Variants in UNC5D observed in about 807,000 individuals in gnomAD.
The protein encoded by UNC5D is unc-5 netrin receptor D, also known as netrin receptor UNC5D.
In UNC5D, 39 loss-of-function variants were observed where a neutral mutation model predicts 105.4. That is an observed-to-expected ratio of 0.37 (90% CI 0.29 to 0.48). The LOEUF is 0.48. Among genes scored for constraint, UNC5D ranks in the 20% least tolerant of loss-of-function variants. The pLI, the probability that UNC5D is intolerant of heterozygous loss-of-function variation, is 0.98. For synonymous variants in UNC5D, 452 were observed against 450.4 expected, an observed-to-expected ratio of 1.00 and a Z score of -0.04; for missense variants, 991 against 1,202.4, an observed-to-expected ratio of 0.82 and a Z score of 2.60.
chr8:35,387,859 AAG>A lies in UNC5D; in HGVS notation c.103+151975_103+151976del, dbSNP rs1803505748. 2.0e-5 allele frequency among the ~76,000 whole-genome samples: 3 copies of A among 152,304 alleles called. No individual in the cohort carries two copies. In the South Asian group the frequency reaches 6.2e-4, roughly 32 times the overall value. Reference sequence around the variant, plus strand: ...TGATTAGCAATAAAAATCATTTGGGAAGAGTCTATTTATTTAGTATTATAGTG... The same window carrying A: ...TGATTAGCAATAAAAATCATTTGGGAAGTCTATTTATTTAGTATTATAGTG... On this transcript the variant is annotated intron_variant, in intron 1 of 16. Transcript: ENST00000404895.
chr8:35,495,487 AAAATCTCATAATGTGTT>A (rs1811517368), intron 1 of UNC5D, among the ~76,000 whole-genome samples: 1 of 151,532 alleles, frequency 6.6e-6, no homozygotes, highest in Non-Finnish European at 1.5e-5. Flanking sequence ...AAAAAGCAAA[AAAATCTCATAATGTGTT>A]AAGAAAGTTT....
At chr8:35,455,441 G>T (rs1585881941) in intron 1 of UNC5D, among the ~76,000 whole-genome samples, 1 of 151,920 alleles carries the variant, frequency 6.6e-6, no homozygotes, top group Non-Finnish European at 1.5e-5. Flanking sequence ...ACCACGCCTG[G>T]CTAACTTCTG....
intron 1 of UNC5D, among the ~76,000 whole-genome samples, chr8:35,423,226 G>A (rs1176700536): frequency 1.3e-5 from 2 of 152,172 alleles, no homozygotes; most frequent in Non-Finnish European, 2.9e-5. Flanking sequence ...TCCTCCTTGT[G>A]AGTGAGACTT....
At chr8:35,583,754 C>T (rs1390313916) in intron 3 of UNC5D, among the ~76,000 whole-genome samples, 1 of 152,110 alleles carries the variant, frequency 6.6e-6, no homozygotes, top group Non-Finnish European at 1.5e-5. Flanking sequence ...AATGGCTTTT[C>T]CTGTTGAAGA....
chr8:35,689,785 T>C (rs1826264243), intron 7 of UNC5D, among the ~76,000 whole-genome samples: 1 of 152,204 alleles, frequency 6.6e-6, no homozygotes, highest in Non-Finnish European at 1.5e-5. Flanking sequence ...GCTTTTTTTT[T>C]CAGTCTGTGA....
chr8:35,255,387 A>G (rs1804006924), intron 1 of UNC5D: 1 of 152,186 alleles, frequency 6.6e-6, no homozygotes, highest in Non-Finnish European at 1.5e-5. Flanking sequence ...AAAGTTATGG[A>G]GTAGTACTTT....
chr8:35,478,411 C>A (rs1810259127), intron 1 of UNC5D, among the ~76,000 whole-genome samples: 1 of 152,108 alleles, frequency 6.6e-6, no homozygotes, highest in South Asian at 2.1e-4. Context: ...GAAAAAATGA[C>A]TTTTCTTCAT....
intron 4 of UNC5D, among the ~76,000 whole-genome samples, chr8:35,625,127 TG>T (rs1477284149): frequency 6.6e-6 from 1 of 152,220 alleles, no homozygotes; most frequent in Non-Finnish European, 1.5e-5. Flanking sequence ...TCCGTTGTGA[TG>T]AGCTGTACAG....
At chr8:35,727,786 A>G (rs1484395565) in intron 10 of UNC5D, 1 of 152,180 alleles carries the variant, frequency 6.6e-6, no homozygotes, top group African/African-American at 2.4e-5. Context: ...ATGCCTACGC[A>G]TGATTTAATT....
At chr8:35,364,777 A>G (rs1528716) in intron 1 of UNC5D, among the ~76,000 whole-genome samples, 80,716 of 151,952 alleles carry the variant, frequency 0.53, 22,175 homozygotes, top group East Asian at 0.7. Flanking sequence ...CTACCCCTTC[A>G]CTATTTCTTT....
At chr8:35,504,663 C>A (rs1001863888) in intron 1 of UNC5D, among the ~76,000 whole-genome samples, 5 of 152,124 alleles carry the variant, frequency 3.3e-5, no homozygotes, top group Non-Finnish European at 5.9e-5. Flanking sequence ...TAATAGAGTC[C>A]CAGATTTTTG....
intron 13 of UNC5D, among the ~76,000 whole-genome samples, chr8:35,757,496 C>G (rs1340743114): frequency 6.6e-6 from 1 of 152,152 alleles, no homozygotes; most frequent in Non-Finnish European, 1.5e-5. Flanking sequence ...CTAGTAATGT[C>G]TAGACTCCTT....
intron 1 of UNC5D, among the ~76,000 whole-genome samples, chr8:35,429,551 T>C (rs1806484158): frequency 6.6e-6 from 1 of 152,198 alleles, no homozygotes; most frequent in South Asian, 2.1e-4. Flanking sequence ...TTTCATTATT[T>C]AGCCATTAAA....
chr8:35,603,370 T>G (rs1453769313), intron 4 of UNC5D, among the ~76,000 whole-genome samples: 2 of 152,224 alleles, frequency 1.3e-5, no homozygotes, highest in African/African-American at 4.8e-5. Context: ...AGTTTCTTAA[T>G]CCTGAGTTCT....
At chr8:35,692,454 C>T (rs1158511958) in intron 7 of UNC5D, among the ~76,000 whole-genome samples, 2 of 152,072 alleles carry the variant, frequency 1.3e-5, no homozygotes, top group East Asian at 3.9e-4. Flanking sequence ...AAATTTCATC[C>T]TGGAGATAGC....
At chr8:35,296,717 G>A (rs1235355117) in intron 1 of UNC5D, among the ~76,000 whole-genome samples, 5 of 152,014 alleles carry the variant, frequency 3.3e-5, no homozygotes, top group Admixed American at 6.6e-5. Flanking sequence ...CACCATGCCT[G>A]GCCGTGGTAA....
At chr8:35,668,885 GT>G (rs1022125299) in intron 4 of UNC5D, among the ~76,000 whole-genome samples, 9 of 151,836 alleles carry the variant, frequency 5.9e-5, no homozygotes, top group Non-Finnish European at 1.0e-4. Context: ...ACTTAAAATG[GT>G]TTTTTTTCTT....
intron 1 of UNC5D, among the ~76,000 whole-genome samples, chr8:35,372,389 G>T (rs989028864): frequency 6.6e-6 from 1 of 151,636 alleles, no homozygotes; most frequent in African/African-American, 2.4e-5. Context: ...CTCCCAAAGT[G>T]CTGGGATTAC....
chr8:35,681,723 T>C (rs1178378387), intron 4 of UNC5D, among the ~76,000 whole-genome samples: 1 of 152,186 alleles, frequency 6.6e-6, no homozygotes, highest in African/African-American at 2.4e-5. Context: ...AGCTTTATTT[T>C]ACATTTTACT....
Sources: allele counts gnomAD v4.1 joint callset (sites outside exome capture counted in the v4.1 genomes callset), GRCh38; gene constraint gnomAD v4.1.1; transcripts MANE v1.5; gene names NCBI Gene and HGNC (gene_info 2026-07-23, HGNC 2026-07-21).